Variants in SLC26A6 observed in about 807,000 individuals in gnomAD.
SLC26A6 encodes anion exchange transporter.
Under a neutral mutation model 87.1 loss-of-function variants are expected in SLC26A6, and 67 were observed. The ratio of observed to expected loss-of-function variants is 0.77; its 90% CI spans 0.63 to 0.94. The LOEUF is 0.94. Ranked by LOEUF, SLC26A6 falls within the 40% of genes least tolerant of loss-of-function variation. The probability of loss-of-function intolerance (pLI) is 0.00; values close to 1 mark genes in which losing one functional copy is unlikely to be tolerated. For synonymous variants in SLC26A6, 414 were observed against 405.9 expected (o/e 1.02, Z -0.24); for missense variants, 902 against 973.0 (o/e 0.93, Z 0.97).
chr3:48,633,454 C>T, intron 2 of SLC26A6, 23 bp downstream of exon 2: 1 of 1,612,466 alleles, frequency 6.2e-7, no homozygotes, highest in Non-Finnish European at 8.5e-7. Flanking sequence ...GCCAGCGCCC[C>T]CAGGCCCCAA....
At chr3:48,626,817 G>A in intron 18 of SLC26A6, 59 bp downstream of exon 18, 1 of 1,605,620 alleles carries the variant, frequency 6.2e-7, no homozygotes, top group South Asian at 1.1e-5. Context: ...AGTGCTCTCA[G>A]GGCAAATTAC....
chr3:48,635,408 C>T lies in SLC26A6; in HGVS notation c.-15G>A, dbSNP rs763972992. 5 of 1,580,132 alleles carry T rather than the reference C, an allele frequency of 3.2e-6. No homozygotes were observed. The highest frequency in any genetic ancestry group is 8.6e-7 in the Non-Finnish European group (1 of 1,164,490). ...GCCAGCCCCATGGCTCGCAAGTTGT[C>T]CGGTGCGGGCTGCTCCTGCTGCTCG... On this transcript the variant is annotated 5_prime_UTR_variant, in exon 1 of 21. Coordinates refer to ENST00000395550, the MANE Select transcript of SLC26A6 (RefSeq NM_022911.3).
intron 5 of SLC26A6, 78 bp downstream of exon 5, chr3:48,632,167 C>T (rs2046820756): frequency 1.3e-6 from 2 of 1,574,516 alleles, no homozygotes; most frequent in East Asian, 2.3e-5. Flanking sequence ...GATGGTCAGA[C>T]ACTCAGGGGA....
Position 48,631,781 on chromosome 3 carries a change from C to T in SLC26A6, c.771G>A (p.Trp257Ter), listed in dbSNP as rs1575529233. The part of the protein sequence containing the change: ...SLIYTVLEVC[W>*]KLPQSKVGTV... ...TGCCAACCTTGCTCTGGGGCAGCTT[C>T]CAGCAGACCTCCAGCACTGTCTGAG... is the stretch of plus-strand genomic sequence containing the variant. Residue 257 changes from tryptophan (W) to a stop codon, truncating the protein, a stop_gained, in exon 7 of 21, where the codon TGG becomes TGA. Transcript: ENST00000395550. LOFTEE classifies it high-confidence loss of function. 1 of 1,613,562 alleles carries T rather than the reference C, an allele frequency of 6.2e-7. No homozygotes were observed. Among genetic ancestry groups the T allele is most frequent in the African/African-American group, 1.3e-5 (1 of 75,058 alleles).
In SLC26A6 at chr3:48,630,610, C is replaced by T. The variant is rs202049661; in HGVS notation, c.1245G>A (p.Ser415=). ...CATGCCCACACCCAAAGCCCACCTG[C>T]GAGTTGCCCCCGGTGCTCTCCTGTA... ...SLVQESTGGN[S]QVAGAISSLF... Residue 415 remains serine, a synonymous_variant, in exon 10 of 21, where the codon TCG becomes TCA. Coordinates refer to ENST00000395550, the MANE Select transcript of SLC26A6 (RefSeq NM_022911.3). The T allele has an allele frequency of 3.0e-5, 48 of 1,576,114 alleles. No individual in the cohort carries two copies. The highest frequency in any genetic ancestry group is 2.0e-4 in the African/African-American group (15 of 74,216).
Position 48,633,003 on chromosome 3 carries a change from A to G in SLC26A6, c.404T>C (p.Leu135Pro). The change falls in exon 4 of 21, where the codon CTG (leucine) becomes CCG (proline). Residue 135 changes from leucine to proline, a missense_variant. Around this residue, in one of 3 missense-constraint regions of SLC26A6, gnomAD observed 800 missense variants for 856.8 expected, o/e 0.93. Coordinates refer to ENST00000395550, the MANE Select transcript of SLC26A6 (RefSeq NM_022911.3). ...SSFYPVFIYF[L>P]FGTSRHISVG... ...GGAGATGTGCCGGGAAGTGCCAAACAGGAAGTAGATGAAGACAGGGTAGAA... is the reference window on the plus strand; with the variant it reads ...GGAGATGTGCCGGGAAGTGCCAAACGGGAAGTAGATGAAGACAGGGTAGAA... The G allele has an allele frequency of 6.2e-7, 1 of 1,613,634 alleles. No individual in the cohort carries two copies. The highest frequency in any genetic ancestry group is 1.3e-5 in the African/African-American group (1 of 75,060).
In SLC26A6 at chr3:48,630,986, C is replaced by T. The variant is rs769046592; in HGVS notation, c.1134+7G>A. ...GATGCCTCCTACACATCCCGCATCACCCAGACCTGGTTGCTGTCCACCCGG... is the reference window on the plus strand; with the variant it reads ...GATGCCTCCTACACATCCCGCATCATCCAGACCTGGTTGCTGTCCACCCGG... On this transcript the variant is annotated splice_region_variant and intron_variant, in intron 9 of 20. Transcript: ENST00000395550. 23 of 1,613,564 alleles carry T rather than the reference C, an allele frequency of 1.4e-5. No homozygotes were observed. Among genetic ancestry groups the T allele is most frequent in the Non-Finnish European group, 1.9e-5 (22 of 1,179,970 alleles).
At position 48,629,676 on chromosome 3, in the gene SLC26A6, G is replaced by A. The variant is rs533427147; in HGVS notation, c.1565C>T (p.Thr522Met). The A allele has an allele frequency of 1.8e-5, 29 of 1,613,450 alleles. No individual in the cohort carries two copies. In the East Asian group the frequency reaches 3.6e-4, roughly 20 times the overall value. The part of the protein sequence containing the change: ...HYSVLGQVPD[T>M]DIYRDVAEYS... ...CTCTGCCACATCTCTGTAAATATCC[G>A]TGTCTGGCACCTGCCCCAGGACAGA... The change falls in exon 14 of 21, where the codon ACG becomes ATG. Residue 522 changes from threonine (T) to methionine (M), a missense_variant. Around this residue, in one of 3 missense-constraint regions of SLC26A6, gnomAD observed 800 missense variants for 856.8 expected, o/e 0.93. Transcript: ENST00000395550.
chr3:48,627,163 G>A (rs953634239), intron 17 of SLC26A6, 108 bp from the exon 18 acceptor site: 12 of 1,260,160 alleles, frequency 9.5e-6, no homozygotes, highest in Non-Finnish European at 1.3e-5. Context: ...GCATGCATGG[G>A]ACACATAAGG....
intron 11 of SLC26A6, 115 bp from the exon 12 acceptor site, chr3:48,630,272 A>G: frequency 1.5e-6 from 2 of 1,323,378 alleles, no homozygotes; most frequent in Non-Finnish European, 1.1e-6. Flanking sequence ...CCAGACACAA[A>G]CCCCCACCCA....
At chr3:48,630,216 C>A in intron 11 of SLC26A6, 59 bp from the exon 12 acceptor site, 1 of 1,575,184 alleles carries the variant, frequency 6.3e-7, no homozygotes, top group South Asian at 1.1e-5. Context: ...GACAACCCTC[C>A]TCACCGAGGC....
chr3:48,631,643 T>C lies in SLC26A6; in HGVS notation c.903+6A>G. 1 of 1,611,546 alleles carries C rather than the reference T, an allele frequency of 6.2e-7. No homozygotes were observed. The highest frequency in any genetic ancestry group is 8.5e-7 in the Non-Finnish European group (1 of 1,179,138). ...TCCCCTGCCCTCCACTCCCTGGCCCTCGAACCGTGAGCAGCTCCCCGGGTA... is the reference window on the plus strand; with the variant it reads ...TCCCCTGCCCTCCACTCCCTGGCCCCCGAACCGTGAGCAGCTCCCCGGGTA... On this transcript the variant is annotated splice_donor_region_variant and intron_variant, in intron 7 of 20. Coordinates refer to ENST00000395550, the MANE Select transcript of SLC26A6 (RefSeq NM_022911.3).
rs753832715 is a variant in SLC26A6 at position 48,630,606 on chromosome 3, C to T, written c.1248+1G>A. ...CACCCATGCCCACACCCAAAGCCCA[C>T]CTGCGAGTTGCCCCCGGTGCTCTCC... On this transcript the variant is annotated splice_donor_variant, in intron 10 of 20. Coordinates refer to ENST00000395550, the MANE Select transcript of SLC26A6 (RefSeq NM_022911.3). LOFTEE classifies it high-confidence loss of function. 1 of 1,574,282 alleles carries T rather than the reference C, an allele frequency of 6.4e-7. No individual in the cohort carries two copies.
chr3:48,630,094 G>A lies in SLC26A6; in HGVS notation c.1390C>T (p.Arg464Cys), dbSNP rs942045657. The A allele has an allele frequency of 1.4e-5, 22 of 1,611,762 alleles. No homozygotes were observed. The highest frequency in any genetic ancestry group is 4.5e-5 in the East Asian group (2 of 44,804). The change falls in exon 12 of 21, where the codon CGC (arginine) becomes TGC (cysteine). Residue 464 changes from arginine (R) to cysteine (C), a missense_variant. Around this residue, in one of 3 missense-constraint regions of SLC26A6, gnomAD observed 800 missense variants for 856.8 expected, o/e 0.93. Transcript: ENST00000395550. ...GCCCGATTGGCCTTCCAGAGGGAGC[G>A]CATGTCGCTGAGCTGCCTCAGCATG... is the stretch of plus-strand genomic sequence containing the variant. Reference protein sequence around the residue: ...KGMLRQLSDMRSLWKANRADL... With the variant: ...KGMLRQLSDMCSLWKANRADL...
chr3:48,627,027 T>C lies in SLC26A6; in HGVS notation c.1922A>G (p.Asp641Gly), dbSNP rs995525456. ...MQVSSGDKMEDATANGQEDSK... is the reference protein window; with the variant it reads ...MQVSSGDKMEGATANGQEDSK... The stretch of plus-strand genomic sequence containing the variant: ...GTCTTCTTGACCATTGGCTGTTGCA[T>C]CTTCCATCTTATCTCCTGAGCTCAC... The change falls in exon 18 of 21, where the codon GAT becomes GGT. Residue 641 changes from aspartate to glycine, a missense_variant. Around this residue, in one of 3 missense-constraint regions of SLC26A6, gnomAD observed 800 missense variants for 856.8 expected, o/e 0.93. Coordinates refer to ENST00000395550, the MANE Select transcript of SLC26A6 (RefSeq NM_022911.3). 3.5e-5 allele frequency: 56 copies of C among 1,613,954 alleles called. No individual in the cohort carries two copies. Among genetic ancestry groups the C allele is most frequent in the Non-Finnish European group, 4.4e-5 (52 of 1,179,984 alleles).
chr3:48,635,266 C>G, intron 1 of SLC26A6, 105 bp downstream of exon 1: 1 of 1,168,854 alleles, frequency 8.6e-7, no homozygotes, highest in South Asian at 1.4e-5. Flanking sequence ...TAAACCGAGG[C>G]GTCGCAAGCG....
At chr3:48,634,596 A>G in intron 1 of SLC26A6, 5 of 495,112 alleles carry the variant, frequency 1.0e-5, no homozygotes, top group Non-Finnish European at 1.3e-5. Flanking sequence ...GTCACCTGGG[A>G]ATAGATCTCA....
At position 48,628,265 on chromosome 3, in the gene SLC26A6, G is replaced by A; in HGVS notation, c.1800+169C>T. ...TTCAGATGATGGGAGAGAAAATGCT[G>A]CCTAGAGCCCGGACCTGCTAGGGGA... On this transcript the variant is annotated intron_variant, in intron 16 of 20. Transcript: ENST00000395550. The surrounding 1 kb of genome is among the most constrained non-coding windows in gnomAD (Gnocchi z 4.4). 1.1e-6 allele frequency: 1 copy of A among 886,006 alleles called. No homozygotes were observed. Among genetic ancestry groups the A allele is most frequent in the Non-Finnish European group, 1.7e-6 (1 of 583,228 alleles). The allele number at this position is 886,006 out of a possible 1,614,324, so 54.9% of individuals were successfully genotyped here. A position where few individuals can be genotyped will look rare whatever the true frequency, so the allele number is the denominator to read the frequency against.
Position 48,626,439 on chromosome 3 carries a change from T to C in SLC26A6, c.2129-85A>G, listed in dbSNP as rs2046624516. Reference sequence around the variant, plus strand: ...GAGCCAACAGAATGCCCTGACCTCATCACCCCTGACCTCCACCCCTGAGGC... The same window carrying C: ...GAGCCAACAGAATGCCCTGACCTCACCACCCCTGACCTCCACCCCTGAGGC... On this transcript the variant is annotated intron_variant, in intron 19 of 20. Coordinates refer to ENST00000395550, the MANE Select transcript of SLC26A6 (RefSeq NM_022911.3). 6.3e-6 allele frequency: 10 copies of C among 1,592,800 alleles called. No individual in the cohort carries two copies. In the South Asian group the frequency reaches 1.1e-4, roughly 18 times the overall value.
Sources: gnomAD v4.1 joint callset for allele counts on GRCh38, gnomAD v4.1.1 for gene constraint, gnomAD v4.1.1 regional missense constraint, Gnocchi (gnomAD v3.1) non-coding constraint, MANE v1.5 for transcripts, NCBI Gene and HGNC (gene_info 2026-07-23, HGNC 2026-07-21) for gene names.